ZFYVE28: variants seen among roughly 807,000 people sequenced by gnomAD.
The protein encoded by ZFYVE28 is zinc finger FYVE-type containing 28.
Under a neutral mutation model 82.1 loss-of-function variants are expected in ZFYVE28, and 40 were observed. That is an observed-to-expected ratio of 0.49 (90% CI 0.38 to 0.63). The LOEUF is 0.63. ZFYVE28 is among the 30% of genes least tolerant of loss of function. The pLI, the probability that ZFYVE28 is intolerant of heterozygous loss-of-function variation, is 0.00. For synonymous variants in ZFYVE28, 612 were observed against 546.1 expected (o/e 1.12, Z -1.68); for missense variants, 1,321 against 1,242.1 (o/e 1.06, Z -0.96).
At chr4:2,275,850 G>T (rs1560126882) in intron 8 of ZFYVE28, among the ~76,000 whole-genome samples, 19 of 152,260 alleles carry the variant, frequency 1.2e-4, no homozygotes, top group Non-Finnish European at 1.5e-5. Flanking sequence ...GGTCTTAGAC[G>T]CGGTGCTGGG....
At chr4:2,278,170 G>A (rs1201870527) in intron 8 of ZFYVE28, among the ~76,000 whole-genome samples, 2 of 151,154 alleles carry the variant, frequency 1.3e-5, no homozygotes, top group Non-Finnish European at 2.9e-5. Context: ...AAATTCACTC[G>A]AAATGAATCA....
chr4:2,304,971 CCTCCTCCTTTTCCGAGGCGGGCAAGCT>C lies in ZFYVE28; in HGVS notation c.1342_1368del (p.Ser448_Glu456del). 6.2e-7 allele frequency: 1 copy of C among 1,612,698 alleles called. No individual in the cohort carries two copies. The highest frequency in any genetic ancestry group is 8.5e-7 in the Non-Finnish European group (1 of 1,179,848). ...GCCTCGAGATTGTTGTTGCTCAAGTCCTCCTCCTTTTCCGAGGCGGGCAAGCTGATCCCCGCCGCTCCGCCTGGCCCA... is the reference window on the plus strand; with the variant it reads ...GCCTCGAGATTGTTGTTGCTCAAGTCGATCCCCGCCGCTCCGCCTGGCCCA... On this transcript the variant is annotated inframe_deletion, in exon 8 of 13. Coordinates refer to ENST00000290974, the MANE Select transcript of ZFYVE28 (RefSeq NM_020972.3).
intron 6 of ZFYVE28, among the ~76,000 whole-genome samples, chr4:2,325,591 A>AC (rs1491449048): frequency 2.1e-5 from 2 of 94,374 alleles, no homozygotes; most frequent in African/African-American, 3.8e-5. Context: ...TTTAAATCTT[A>AC]CTTTTTTTTT....
chr4:2,296,366 A>T (rs1714573499), intron 8 of ZFYVE28, among the ~76,000 whole-genome samples: 1 of 152,064 alleles, frequency 6.6e-6, no homozygotes, highest in Non-Finnish European at 1.5e-5. Flanking sequence ...CTGCCCTCTC[A>T]CCTGGGCCTG....
At chr4:2,293,713 A>T (rs149657570) in intron 8 of ZFYVE28, among the ~76,000 whole-genome samples, 10 of 143,482 alleles carry the variant, frequency 7.0e-5, no homozygotes, top group South Asian at 2.2e-4. Context: ...AGATCACACC[A>T]CTGCACTCCA....
chr4:2,351,501 T>G (rs566713856), intron 2 of ZFYVE28, among the ~76,000 whole-genome samples: 10 of 152,090 alleles, frequency 6.6e-5, no homozygotes, highest in Admixed American at 3.3e-4. Context: ...ATCACTTGAG[T>G]TCAGGAGTTT....
chr4:2,315,895 T>C (rs1367788402), intron 7 of ZFYVE28, among the ~76,000 whole-genome samples: 2 of 152,174 alleles, frequency 1.3e-5, no homozygotes, highest in Non-Finnish European at 2.9e-5. Context: ...CTTTCTGGGA[T>C]TCCAATTATG....
chr4:2,371,349 T>C (rs896132659), intron 1 of ZFYVE28, among the ~76,000 whole-genome samples: 1 of 152,062 alleles, frequency 6.6e-6, no homozygotes, highest in African/African-American at 2.4e-5. Flanking sequence ...ATTTGACTTA[T>C]AAAGGTGCCC....
chr4:2,388,693 CA>C (rs1729522341), intron 1 of ZFYVE28, among the ~76,000 whole-genome samples: 1 of 152,154 alleles, frequency 6.6e-6, no homozygotes, highest in South Asian at 2.1e-4. Context: ...ATGTTCACTG[CA>C]TTTACGTGAA....
chr4:2,371,747 G>T (rs569120535), intron 1 of ZFYVE28, among the ~76,000 whole-genome samples: 2 of 152,260 alleles, frequency 1.3e-5, no homozygotes, highest in African/African-American at 4.8e-5. Flanking sequence ...GTGTCTTTAA[G>T]GGCTAAAGCC....
chr4:2,292,444 T>C (rs1713873550), intron 8 of ZFYVE28, among the ~76,000 whole-genome samples: 1 of 152,060 alleles, frequency 6.6e-6, no homozygotes, highest in Non-Finnish European at 1.5e-5. Context: ...GCAGGTCCCC[T>C]GGTTTGGCAT....
At chr4:2,325,884 T>A (rs997394930) in intron 6 of ZFYVE28, among the ~76,000 whole-genome samples, 2 of 152,142 alleles carry the variant, frequency 1.3e-5, no homozygotes, top group African/African-American at 4.8e-5. Context: ...TGAGCCACCA[T>A]GCCCAGTCTC....
At position 2,416,807 on chromosome 4, in the gene ZFYVE28, C is replaced by CGCT. The variant is rs1553871726; in HGVS notation, c.39+1477_39+1478insAGC. ...ACGCCACAGGAACCCTGAATCCCCC[C>CGCT]GAGTCCCCTCCCAATCAAGCCAAGG... On this transcript the variant is annotated intron_variant, in intron 1 of 12. Coordinates refer to ENST00000290974, the MANE Select transcript of ZFYVE28 (RefSeq NM_020972.3). The surrounding 1 kb of genome is among the most constrained non-coding windows in gnomAD (Gnocchi z 4.6). Among the ~76,000 whole-genome samples, 1 of 150,642 alleles carries CGCT rather than the reference C, an allele frequency of 6.6e-6. No individual in the cohort carries two copies. The highest frequency in any genetic ancestry group is 1.5e-5 in the Non-Finnish European group (1 of 67,830).
chr4:2,304,330 G>T lies in ZFYVE28; in HGVS notation c.2010C>A (p.Ser670Arg), dbSNP rs768638735. 9 of 1,603,610 alleles carry T rather than the reference G, an allele frequency of 5.6e-6. No individual in the cohort carries two copies. Among genetic ancestry groups the T allele is most frequent in the Admixed American group, 1.7e-5 (1 of 59,482 alleles). The change falls in exon 8 of 13, where the codon AGC becomes AGA. Residue 670 changes from serine to arginine, a missense_variant. Transcript: ENST00000290974. ...EPEARELHAG[S>R]PSAHEAPQAL... is the part of the protein sequence containing the mutation. ...CCTGAGGCGCCTCGTGAGCCGAGGG[G>T]CTCCCAGCATGCAGCTCTCTGGCCT...
intron 8 of ZFYVE28, among the ~76,000 whole-genome samples, chr4:2,284,050 G>T (rs898990534): frequency 2.6e-5 from 4 of 152,210 alleles, no homozygotes; most frequent in Non-Finnish European, 5.9e-5. Flanking sequence ...ACACTTGAGG[G>T]AAAAAGAGTT....
rs79395352 is a variant in ZFYVE28 at position 2,408,795 on chromosome 4, G to A, written c.39+9490C>T. On this transcript the variant is annotated intron_variant, in intron 1 of 12. Coordinates refer to ENST00000290974, the MANE Select transcript of ZFYVE28 (RefSeq NM_020972.3). This position sits in a 1 kb window ranked among gnomAD's most constrained non-coding sequence, Gnocchi z 4.3. ...GTCCTGCCCATATAAGCCCCACCTA[G>A]ATGAAGCCACGCCCAGGTGAGCCCC... 4.5e-3 allele frequency among the ~76,000 whole-genome samples: 678 copies of A among 152,184 alleles called. 52 individuals carry two copies. In the East Asian group the frequency reaches 0.12, roughly 27 times the overall value.
intron 8 of ZFYVE28, among the ~76,000 whole-genome samples, chr4:2,275,124 G>T (rs1736294425): frequency 6.6e-6 from 1 of 152,146 alleles, no homozygotes; most frequent in South Asian, 2.1e-4. Context: ...CTGGGCATCG[G>T]TTCTGACTTC....
At position 2,416,793 on chromosome 4, in the gene ZFYVE28, A is replaced by G. The variant is rs896336458; in HGVS notation, c.39+1492T>C. 6.6e-5 allele frequency among the ~76,000 whole-genome samples: 9 copies of G among 136,640 alleles called. No individual in the cohort carries two copies. Among genetic ancestry groups the G allele is most frequent in the Non-Finnish European group, 1.1e-4 (7 of 65,150 alleles). 89.6% of individuals were successfully genotyped at this position (136,640 alleles called of 152,430 possible). A position where few individuals can be genotyped will look rare whatever the true frequency, so the allele number is the denominator to read the frequency against. ...GGGAGCAGGGAGTGACGCCACAGGA[A>G]CCCTGAATCCCCCCGAGTCCCCTCC... On this transcript the variant is annotated intron_variant, in intron 1 of 12. Coordinates refer to ENST00000290974, the MANE Select transcript of ZFYVE28 (RefSeq NM_020972.3). The surrounding 1 kb of genome is among the most constrained non-coding windows in gnomAD (Gnocchi z 4.6).
chr4:2,374,473 T>TTTA (rs1727898711), intron 1 of ZFYVE28, among the ~76,000 whole-genome samples: 4 of 151,552 alleles, frequency 2.6e-5, no homozygotes, highest in African/African-American at 9.7e-5. Context: ...ATTAGCTGGA[T>TTTA]GTAATAATGC....
Sources: allele counts gnomAD v4.1 joint callset (sites outside exome capture counted in the v4.1 genomes callset), GRCh38; gene constraint gnomAD v4.1.1; non-coding constraint Gnocchi (gnomAD v3.1); transcripts MANE v1.5; gene names NCBI Gene and HGNC (gene_info 2026-07-23, HGNC 2026-07-21).